TPTE: variants seen among roughly 807,000 people sequenced by gnomAD.
The protein encoded by TPTE is transmembrane phosphatase with tensin homology.
Under a neutral mutation model 84.1 loss-of-function variants are expected in TPTE, and 59 were observed. The observed-to-expected ratio is 0.70, with a 90% confidence interval of 0.57 to 0.87. The LOEUF (loss-of-function observed/expected upper bound fraction) is 0.87. Ranked by LOEUF, TPTE falls within the 40% of genes least tolerant of loss-of-function variation. TPTE has a pLI of 0.00. For synonymous variants in TPTE, 130 were observed against 223.5 expected (o/e 0.58, Z 3.73); for missense variants, 382 against 659.6 (o/e 0.58, Z 4.61).
intron 3 of TPTE, among the ~76,000 whole-genome samples, chr21:10,530,369 C>T (rs1258457511): frequency 6.6e-6 from 1 of 152,304 alleles, no homozygotes; most frequent in South Asian, 2.1e-4. Context: ...GTTTAATACA[C>T]AGTATATACA....
chr21:10,524,292 T>C (rs1180559803), intron 1 of TPTE, among the ~76,000 whole-genome samples: 1 of 152,306 alleles, frequency 6.6e-6, no homozygotes, highest in Admixed American at 6.5e-5. Context: ...CTGCGGCCCA[T>C]AGACAGGAAA....
At chr21:10,522,403 C>A (rs1175452146) in intron 1 of TPTE, among the ~76,000 whole-genome samples, 1 of 152,300 alleles carries the variant, frequency 6.6e-6, no homozygotes, top group Non-Finnish European at 1.5e-5. Flanking sequence ...AAAGTTGGGT[C>A]GCCCCGCGGG....
intron 4 of TPTE, among the ~76,000 whole-genome samples, chr21:10,539,483 G>A (rs2074327763): frequency 6.6e-6 from 1 of 152,308 alleles, no homozygotes; most frequent in Non-Finnish European, 1.5e-5. Flanking sequence ...ATTAGGAGGA[G>A]GAATGCCTAC....
At chr21:10,530,557 C>T (rs543892949) in intron 3 of TPTE, among the ~76,000 whole-genome samples, 72 of 152,384 alleles carry the variant, frequency 4.7e-4, no homozygotes, top group Admixed American at 3.5e-3. Context: ...GCACAGCATG[C>T]ATCCCCTAGT....
At chr21:10,575,229 C>T (rs1194600685) in intron 14 of TPTE, among the ~76,000 whole-genome samples, 1 of 152,312 alleles carries the variant, frequency 6.6e-6, no homozygotes, top group Non-Finnish European at 1.5e-5. Context: ...CGACACAGCA[C>T]AGCTGGCTTG....
chr21:10,554,462 A>G (rs1407387285), intron 8 of TPTE, among the ~76,000 whole-genome samples: 1 of 152,312 alleles, frequency 6.6e-6, no homozygotes, highest in Non-Finnish European at 1.5e-5. Flanking sequence ...AACACTAGCC[A>G]TCATTGATTT....
chr21:10,546,026 T>G (rs2074461229), intron 7 of TPTE, among the ~76,000 whole-genome samples: 1 of 152,300 alleles, frequency 6.6e-6, no homozygotes, highest in Non-Finnish European at 1.5e-5. Flanking sequence ...CAGGTATATC[T>G]TGTTTTATTG....
intron 21 of TPTE, among the ~76,000 whole-genome samples, chr21:10,601,100 CA>C (rs1355249892): frequency 1.3e-5 from 2 of 152,426 alleles, no homozygotes; most frequent in South Asian, 2.1e-4. Flanking sequence ...AATGTATTCT[CA>C]AAAAAGGCCC....
intron 21 of TPTE, among the ~76,000 whole-genome samples, chr21:10,600,647 T>C (rs1390795701): frequency 1.3e-5 from 2 of 152,312 alleles, no homozygotes; most frequent in African/African-American, 4.8e-5. Context: ...TCATACAGAT[T>C]GAGTTATGTA....
At chr21:10,530,111 A>G (rs2074151233) in intron 3 of TPTE, among the ~76,000 whole-genome samples, 1 of 152,312 alleles carries the variant, frequency 6.6e-6, no homozygotes, top group Middle Eastern at 3.2e-3. Flanking sequence ...GGGACTCCCT[A>G]AAAGCTAGCC....
chr21:10,523,664 A>G (rs2074028128), intron 1 of TPTE, among the ~76,000 whole-genome samples: 2 of 152,420 alleles, frequency 1.3e-5, no homozygotes, highest in South Asian at 2.1e-4. Flanking sequence ...TCCATGGTGT[A>G]TATGTGCCAC....
At position 10,560,972 on chromosome 21, in the gene TPTE, G is replaced by A. The variant is rs866476783; in HGVS notation, c.285-58G>A. ...GGCTTAAATATAGTATAGCTACAGG[G>A]ACAAATGCCCCTTTATCTTTGCATT... On this transcript the variant is annotated intron_variant, in intron 9 of 23. Coordinates refer to ENST00000618007, the MANE Select transcript of TPTE (RefSeq NM_199261.4). 6.4e-6 allele frequency: 10 copies of A among 1,568,578 alleles called. No individual in the cohort carries two copies. The Admixed American group carries it at 1.1e-4, about 17-fold the overall frequency.
At position 10,586,431 on chromosome 21, in the gene TPTE, A is replaced by ATT. The variant is rs71326359; in HGVS notation, c.1028-4025_1028-4024dup. ...GTGGTGGACACAGAACATACTATGT[A>ATT]TTTTTTTCTTTTTTAGTTCTTTGAA... On this transcript the variant is annotated intron_variant, in intron 17 of 23. Transcript: ENST00000618007. Among the ~76,000 whole-genome samples, 8 of 150,644 alleles carry ATT rather than the reference A, an allele frequency of 5.3e-5. No homozygotes were observed. The East Asian group carries it at 9.7e-4, about 18-fold the overall frequency.
intron 1 of TPTE, among the ~76,000 whole-genome samples, chr21:10,522,837 T>C (rs469691): frequency 0.88 from 134,444 of 152,336 alleles, 58,280 homozygotes; most frequent in Non-Finnish European, 0.96. Flanking sequence ...ATTAGCATAT[T>C]CATTGCCTTA....
chr21:10,523,470 TC>T (rs2074022569), intron 1 of TPTE, among the ~76,000 whole-genome samples: 1 of 120,196 alleles, frequency 8.3e-6, no homozygotes, highest in African/African-American at 3.2e-5. Context: ...CCCACAACAG[TC>T]CCCAGAGTGT....
chr21:10,558,146 A>C (rs1223131285), intron 8 of TPTE, among the ~76,000 whole-genome samples: 1 of 152,310 alleles, frequency 6.6e-6, no homozygotes, highest in African/African-American at 2.4e-5. Context: ...TTCTTTATCC[A>C]ATCTGTCATT....
chr21:10,568,448 T>C (rs1238347455), intron 11 of TPTE, among the ~76,000 whole-genome samples: 1 of 152,312 alleles, frequency 6.6e-6, no homozygotes, highest in Non-Finnish European at 1.5e-5. Context: ...AACTAAAGAG[T>C]ATATGAAGCC....
At chr21:10,551,839 A>C (rs915910520) in intron 7 of TPTE, among the ~76,000 whole-genome samples, 1 of 152,310 alleles carries the variant, frequency 6.6e-6, no homozygotes, top group African/African-American at 2.4e-5. Context: ...GACCCATACG[A>C]CCTACCAAGA....
At chr21:10,546,265 G>A (rs556317668) in intron 7 of TPTE, among the ~76,000 whole-genome samples, 65 of 152,368 alleles carry the variant, frequency 4.3e-4, no homozygotes, top group East Asian at 3.5e-3. Context: ...TTGTTTTGGG[G>A]CAACACGAAC....
Sources: gnomAD v4.1 joint callset for allele counts (sites outside exome capture counted in the v4.1 genomes callset) on GRCh38, gnomAD v4.1.1 for gene constraint, MANE v1.5 for transcripts, NCBI Gene and HGNC (gene_info 2026-07-23, HGNC 2026-07-21) for gene names.